Variants in OSTF1 observed in about 807,000 individuals in gnomAD.
The protein encoded by OSTF1 is osteoclast-stimulating factor 1.
OSTF1 carries 27 observed loss-of-function variants against 37.2 expected under a neutral mutation model. The ratio of observed to expected loss-of-function variants is 0.73; its 90% confidence interval spans 0.54 to 1.00. The LOEUF is 1.00. Among genes scored for constraint, OSTF1 ranks in the 50% least tolerant of loss-of-function variants. The probability of loss-of-function intolerance (pLI) is 0.00; values close to 1 mark genes in which losing one functional copy is unlikely to be tolerated. For synonymous variants in OSTF1, 82 were observed against 89.2 expected (o/e 0.92, Z 0.46); for missense variants, 232 against 253.8 (o/e 0.91, Z 0.58).
Position 75,127,650 on chromosome 9 carries a change from A to G in OSTF1, c.132+31A>G, listed in dbSNP as rs372099892. 25 of 1,175,474 alleles carry G rather than the reference A, an allele frequency of 2.1e-5. No homozygotes were observed. The African/African-American group carries it at 3.9e-4, about 18-fold the overall frequency. 72.8% of individuals were successfully genotyped at this position (1,175,474 alleles called of 1,614,324 possible). ...TCCAGATAACATCTTGTAATACCACATATAAAGACTGTTTTATGTAGCTAT... is the reference window on the plus strand; with the variant it reads ...TCCAGATAACATCTTGTAATACCACGTATAAAGACTGTTTTATGTAGCTAT... On this transcript the variant is annotated intron_variant, in intron 3 of 9. Transcript: ENST00000346234.
rs1825056394 is a variant in OSTF1, at chr9:75,095,348, A to T, written c.34+6622A>T. Among the ~76,000 whole-genome samples, 5 of 152,220 alleles carry T rather than the reference A, an allele frequency of 3.3e-5. No individual in the cohort carries two copies. In the South Asian group the frequency reaches 1.0e-3, roughly 32 times the overall value. ...TTTACTTCCCTACCAAAAATGTATG[A>T]GCATGTCTTAAACAGAAAAATCTCA... On this transcript the variant is annotated intron_variant, in intron 1 of 9. Transcript: ENST00000346234.
intron 2 of OSTF1, among the ~76,000 whole-genome samples, chr9:75,120,305 G>A (rs1454824910): frequency 1.3e-5 from 2 of 152,092 alleles, no homozygotes; most frequent in African/African-American, 4.8e-5. Flanking sequence ...TGAGGCCCAG[G>A]GCTGTTGTCT....
At chr9:75,091,416 C>T (rs1824973313) in intron 1 of OSTF1, among the ~76,000 whole-genome samples, 1 of 152,158 alleles carries the variant, frequency 6.6e-6, no homozygotes, top group African/African-American at 2.4e-5. Context: ...GTGCTCCATT[C>T]ACACTGGCGG....
chr9:75,113,355 G>A (rs1431528823), intron 1 of OSTF1, among the ~76,000 whole-genome samples: 1 of 151,932 alleles, frequency 6.6e-6, no homozygotes, highest in Non-Finnish European at 1.5e-5. Flanking sequence ...AAACAGGATG[G>A]TACTTGCCTA....
At chr9:75,131,184 G>T (rs77335833) in intron 4 of OSTF1, among the ~76,000 whole-genome samples, 1 of 152,180 alleles carries the variant, frequency 6.6e-6, no homozygotes, top group Non-Finnish European at 1.5e-5. Context: ...GATAAACAAG[G>T]CTCCTGAGTT....
chr9:75,129,931 T>C (rs1825737067), intron 3 of OSTF1, among the ~76,000 whole-genome samples: 1 of 152,226 alleles, frequency 6.6e-6, no homozygotes, highest in African/African-American at 2.4e-5. Flanking sequence ...AATGGCATTA[T>C]AATTGCCTTT....
chr9:75,097,453 A>T (rs922452825), intron 1 of OSTF1, among the ~76,000 whole-genome samples: 2 of 152,120 alleles, frequency 1.3e-5, no homozygotes, highest in African/African-American at 4.8e-5. Flanking sequence ...AATGGAATGG[A>T]CCCCTCCCCT....
At chr9:75,122,312 A>T (rs546376499) in intron 2 of OSTF1, among the ~76,000 whole-genome samples, 66 of 152,300 alleles carry the variant, frequency 4.3e-4, no homozygotes, top group African/African-American at 1.5e-3. Context: ...CTGAGATAGG[A>T]GCCCAGCCCT....
In OSTF1 at chr9:75,131,807, T is replaced by C. The variant is rs1391611859; in HGVS notation, c.234T>C (p.His78=). 1.9e-6 allele frequency: 3 copies of C among 1,613,450 alleles called. No individual in the cohort carries two copies. Among genetic ancestry groups the C allele is most frequent in the East Asian group, 2.2e-5 (1 of 44,868 alleles). ...CAGAATCCATTGACAATCCATTGCA[T>C]GAAGCAGCAAAAAGAGGTAGGTGTG... ...EQAESIDNPL[H]EAAKRGNLSW... The change falls in exon 5 of 10, where the codon CAT becomes CAC. Residue 78 remains histidine (H), a synonymous_variant. Transcript: ENST00000346234.
At chr9:75,127,399 C>T (rs574600526) in intron 2 of OSTF1, among the ~76,000 whole-genome samples, 170 bp from the exon 3 acceptor site, 12 of 152,094 alleles carry the variant, frequency 7.9e-5, no homozygotes, top group South Asian at 6.2e-4. Flanking sequence ...AAAATCTAGC[C>T]GTCTATTCAT....
intron 1 of OSTF1, among the ~76,000 whole-genome samples, chr9:75,096,429 T>A (rs1402808814): frequency 1.3e-5 from 2 of 152,200 alleles, no homozygotes; most frequent in Admixed American, 1.3e-4. Context: ...CTAATGTGGA[T>A]CTTTTCTGCT....
At chr9:75,136,160 A>G (rs1438805915) in intron 7 of OSTF1, among the ~76,000 whole-genome samples, 1 of 152,212 alleles carries the variant, frequency 6.6e-6, no homozygotes, top group African/African-American at 2.4e-5. Flanking sequence ...GAATTCTGTT[A>G]TAAGCCCTTA....
At chr9:75,136,674 G>A (rs1825848753) in intron 7 of OSTF1, among the ~76,000 whole-genome samples, 1 of 152,206 alleles carries the variant, frequency 6.6e-6, no homozygotes, top group African/African-American at 2.4e-5. Context: ...TTACAGGTGT[G>A]AGCCACCATG....
chr9:75,131,691 CTGT>C, intron 4 of OSTF1, 76 bp from the exon 5 acceptor site: 1 of 1,000,190 alleles, frequency 1.0e-6, no homozygotes, highest in South Asian at 1.3e-5. Flanking sequence ...AGCTGGGGGA[CTGT>C]GGTGAATGAG....
At chr9:75,118,667 A>G (rs1825531116) in intron 2 of OSTF1, among the ~76,000 whole-genome samples, 1 of 152,214 alleles carries the variant, frequency 6.6e-6, no homozygotes, top group Non-Finnish European at 1.5e-5. Flanking sequence ...TATCGGACTC[A>G]CAGTCATGGC....
intron 5 of OSTF1, among the ~76,000 whole-genome samples, chr9:75,132,903 TTTGA>T (rs571537882): frequency 2.8e-4 from 42 of 152,070 alleles, no homozygotes; most frequent in African/African-American, 9.4e-4. Context: ...TGTTCTTAGG[TTTGA>T]TTGTTTTTTC....
chr9:75,096,426 G>A (rs1825087820), intron 1 of OSTF1, among the ~76,000 whole-genome samples: 2 of 152,182 alleles, frequency 1.3e-5, no homozygotes, highest in Non-Finnish European at 2.9e-5. Context: ...CATCTAATGT[G>A]GATCTTTTCT....
chr9:75,120,487 A>G (rs901585403), intron 2 of OSTF1, among the ~76,000 whole-genome samples: 3 of 152,118 alleles, frequency 2.0e-5, no homozygotes, highest in Non-Finnish European at 2.9e-5. Context: ...GCCTCCTCGA[A>G]TCTAGAATGG....
chr9:75,120,371 G>A (rs929189823), intron 2 of OSTF1, among the ~76,000 whole-genome samples: 1 of 152,102 alleles, frequency 6.6e-6, no homozygotes, highest in Non-Finnish European at 1.5e-5. Flanking sequence ...GTCCTTATCA[G>A]TTGTGTCCTG....
Sources: gnomAD v4.1 joint callset for allele counts (sites outside exome capture counted in the v4.1 genomes callset) on GRCh38, gnomAD v4.1.1 for gene constraint, MANE v1.5 for transcripts, NCBI Gene and HGNC (gene_info 2026-07-23, HGNC 2026-07-21) for gene names.